The following YWHAQ variants were observed in gnomAD, a reference collection of about 807,000 sequenced individuals.
YWHAQ encodes the protein tyrosine 3-monooxygenase/tryptophan 5-monooxygenase activation protein theta, also known as 14-3-3 protein theta.
A neutral mutation model predicts 28.3 loss-of-function variants in YWHAQ; 6 were observed. That is an observed-to-expected ratio of 0.21 (90% confidence interval 0.12 to 0.42). The LOEUF (loss-of-function observed/expected upper bound fraction) is 0.42, where lower values mean the gene tolerates loss of function less well. Among genes scored for constraint, YWHAQ ranks in the 10% least tolerant of loss-of-function variants. The probability of loss-of-function intolerance (pLI) is 1.00; values close to 1 mark genes in which losing one functional copy is unlikely to be tolerated. For missense variants in YWHAQ, 201 were observed against 305.6 expected, an observed-to-expected ratio of 0.66 and a Z score of 2.55; for synonymous variants, 143 against 119.1, an observed-to-expected ratio of 1.20 and a Z score of -1.31.
intron 2 of YWHAQ, among the ~76,000 whole-genome samples, chr2:9,613,752 AG>A (rs1666995003): frequency 6.6e-6 from 1 of 152,222 alleles, no homozygotes; most frequent in East Asian, 1.9e-4. Flanking sequence ...TTACAGGGAA[AG>A]GGACAGCCTT....
chr2:9,601,111 T>G (rs1666683985), intron 2 of YWHAQ, among the ~76,000 whole-genome samples: 1 of 152,208 alleles, frequency 6.6e-6, no homozygotes, highest in Non-Finnish European at 1.5e-5. Context: ...ATTTTCATTC[T>G]TAGAAATATC....
chr2:9,627,656 A>G (rs1667273341), intron 2 of YWHAQ, among the ~76,000 whole-genome samples: 1 of 152,126 alleles, frequency 6.6e-6, no homozygotes, highest in Admixed American at 6.5e-5. Context: ...ACAAGATCCC[A>G]TCTCTACAAT....
At chr2:9,588,025 T>C in intron 4 of YWHAQ, 140 bp downstream of exon 4, 1 of 1,067,394 alleles carries the variant, frequency 9.4e-7, no homozygotes, top group Non-Finnish European at 1.3e-6. Context: ...GTAATCATGA[T>C]GGGAAGAAAA....
chr2:9,595,502 C>G (rs1666550795), intron 2 of YWHAQ, among the ~76,000 whole-genome samples: 1 of 151,918 alleles, frequency 6.6e-6, no homozygotes, highest in Non-Finnish European at 1.5e-5. Context: ...GTCAGGAGTT[C>G]AAGACCAGCC....
At chr2:9,606,171 C>T (rs1469812618) in intron 2 of YWHAQ, among the ~76,000 whole-genome samples, 1 of 152,174 alleles carries the variant, frequency 6.6e-6, no homozygotes, top group Non-Finnish European at 1.5e-5. Flanking sequence ...AATTGTTAAA[C>T]TGTCCTTCCT....
intron 2 of YWHAQ, among the ~76,000 whole-genome samples, chr2:9,625,194 A>C (rs4669401): frequency 0.18 from 26,496 of 150,724 alleles, 3,162 homozygotes; most frequent in African/African-American, 0.35. Context: ...CCCGGGAGAC[A>C]GAGGTTGCAG....
rs1335323402 is a variant in YWHAQ, at chr2:9,588,971, A to ATCCCTGTCTCTACAAAAAAT, written c.419-644_419-643insATTTTTTGTAGAGACAGGGA. On this transcript the variant is annotated intron_variant, in intron 3 of 5. Transcript: ENST00000238081. Reference sequence around the variant, plus strand: ...CTCTACAAAAAATAATAATAATAAAAAATAGCTAGGCATGGTAGTGCGTGC... The same window carrying ATCCCTGTCTCTACAAAAAAT: ...CTCTACAAAAAATAATAATAATAAAATCCCTGTCTCTACAAAAAATAATAGCTAGGCATGGTAGTGCGTGC... Among the ~76,000 whole-genome samples, 31 of 151,924 alleles carry ATCCCTGTCTCTACAAAAAAT rather than the reference A, an allele frequency of 2.0e-4. 1 individual carries two copies. Among genetic ancestry groups the ATCCCTGTCTCTACAAAAAAT allele is most frequent in the Admixed American group, 3.9e-4 (6 of 15,270 alleles).
At chr2:9,587,121 T>C (rs1452730837) in intron 5 of YWHAQ, among the ~76,000 whole-genome samples, 1 of 152,188 alleles carries the variant, frequency 6.6e-6, no homozygotes. Context: ...CCCCAAAATA[T>C]TGAAACTTGA....
intron 2 of YWHAQ, among the ~76,000 whole-genome samples, chr2:9,605,419 G>A (rs1666804138): frequency 1.3e-5 from 2 of 152,124 alleles, no homozygotes; most frequent in South Asian, 4.1e-4. Flanking sequence ...ACAGGCATGA[G>A]GCCACCACAC....
chr2:9,617,391 A>G (rs769459361), intron 2 of YWHAQ, among the ~76,000 whole-genome samples: 1 of 152,230 alleles, frequency 6.6e-6, no homozygotes, highest in Non-Finnish European at 1.5e-5. Context: ...CAACTATTCT[A>G]TAATTCCACT....
At chr2:9,594,280 C>T (rs1462528910) in intron 2 of YWHAQ, among the ~76,000 whole-genome samples, 1 of 152,126 alleles carries the variant, frequency 6.6e-6, no homozygotes, top group Admixed American at 6.5e-5. Flanking sequence ...TTTTAATAAA[C>T]TGAGACACTC....
At chr2:9,612,919 A>G (rs1193239342) in intron 2 of YWHAQ, among the ~76,000 whole-genome samples, 6 of 152,174 alleles carry the variant, frequency 3.9e-5, no homozygotes, top group African/African-American at 1.4e-4. Flanking sequence ...TCTAGTGGTA[A>G]TTTGGGTCCT....
intron 2 of YWHAQ, 35 bp from the exon 3 acceptor site, chr2:9,591,550 C>T (rs1666456345): frequency 6.3e-7 from 1 of 1,583,012 alleles, no homozygotes; most frequent in African/African-American, 1.3e-5. Context: ...AGGCACTAAA[C>T]TTCTGCCTAC....
At position 9,585,188 on chromosome 2, in the gene YWHAQ, G is replaced by C; in HGVS notation, c.*98C>G. 5.3e-6 allele frequency: 7 copies of C among 1,324,118 alleles called. No individual in the cohort carries two copies. The highest frequency in any genetic ancestry group is 6.5e-6 in the Non-Finnish European group (6 of 923,508). 82.0% of individuals were successfully genotyped at this position (1,324,118 alleles called of 1,614,324 possible). On this transcript the variant is annotated 3_prime_UTR_variant, in exon 6 of 6. Transcript: ENST00000238081. ...TATAAACAGTTGATTCCATACACAT[G>C]AATGGGTTTCTTTGCTATAGGAAAT...
At chr2:9,591,561 T>C in intron 2 of YWHAQ, 46 bp from the exon 3 acceptor site, 1 of 1,567,896 alleles carries the variant, frequency 6.4e-7, no homozygotes, top group Non-Finnish European at 8.7e-7. Flanking sequence ...TTCTGCCTAC[T>C]GTGCATTATC....
chr2:9,588,527 T>C (rs1201008243), intron 3 of YWHAQ, among the ~76,000 whole-genome samples, 199 bp from the exon 4 acceptor site: 2 of 152,094 alleles, frequency 1.3e-5, no homozygotes, highest in African/African-American at 2.4e-5. Flanking sequence ...TCCCAGCACT[T>C]TGGGAGGCCG....
chr2:9,598,078 C>A (rs1045675086), intron 2 of YWHAQ, among the ~76,000 whole-genome samples: 1 of 148,434 alleles, frequency 6.7e-6, no homozygotes, highest in African/African-American at 2.5e-5. Context: ...AGGTGGTCCG[C>A]CTGCCTTGGC....
At chr2:9,629,301 G>C (rs1035517702) in intron 2 of YWHAQ, among the ~76,000 whole-genome samples, 22 of 152,234 alleles carry the variant, frequency 1.4e-4, no homozygotes, top group Middle Eastern at 3.4e-3. Flanking sequence ...AACACTCCTG[G>C]ATATAATGCT....
intron 2 of YWHAQ, among the ~76,000 whole-genome samples, chr2:9,591,717 T>C (rs768671602): frequency 2.0e-5 from 3 of 152,236 alleles, no homozygotes; most frequent in Non-Finnish European, 4.4e-5. Flanking sequence ...CTTTAAATGA[T>C]GTAGCCTATA....
Sources: gnomAD v4.1 joint callset for allele counts (sites outside exome capture counted in the v4.1 genomes callset) on GRCh38, gnomAD v4.1.1 for gene constraint, MANE v1.5 for transcripts, NCBI Gene and HGNC (gene_info 2026-07-23, HGNC 2026-07-21) for gene names.